Variants in LPP observed in about 807,000 individuals in gnomAD.
LPP encodes the protein lipoma-preferred partner.
LPP carries 38 observed loss-of-function variants against 60.4 expected under a neutral mutation model. The observed-to-expected ratio is 0.63, with a 90% CI of 0.49 to 0.83. The LOEUF (loss-of-function observed/expected upper bound fraction) is 0.83, where lower values mean the gene tolerates loss of function less well. LPP is among the 40% of genes least tolerant of loss of function. LPP has a pLI of 0.00. For missense variants in LPP, 902 were observed against 783.6 expected, an observed-to-expected ratio of 1.15 and a Z score of -1.80; for synonymous variants, 328 against 290.8, an observed-to-expected ratio of 1.13 and a Z score of -1.30.
chr3:188,255,815 G>A (rs112746835), intron 2 of LPP, among the ~76,000 whole-genome samples: 3 of 152,186 alleles, frequency 2.0e-5, no homozygotes, highest in African/African-American at 4.8e-5. Context: ...CTTTGAGTTC[G>A]ACCTCTGCTT....
At chr3:188,732,329 G>A (rs1480678039) in intron 8 of LPP, among the ~76,000 whole-genome samples, 2 of 152,164 alleles carry the variant, frequency 1.3e-5, no homozygotes, top group African/African-American at 4.8e-5. Flanking sequence ...GGAGACATAA[G>A]GGATTGTGTT....
At chr3:188,761,138 G>A (rs569527635) in intron 9 of LPP, among the ~76,000 whole-genome samples, 1 of 152,022 alleles carries the variant, frequency 6.6e-6, no homozygotes, top group South Asian at 2.1e-4. Context: ...TTGTTTGTTT[G>A]TTATGTAAAC....
At chr3:188,770,974 C>A (rs2150680627) in intron 9 of LPP, among the ~76,000 whole-genome samples, 1 of 152,304 alleles carries the variant, frequency 6.6e-6, no homozygotes, top group South Asian at 2.1e-4. Context: ...AGGATTGTCC[C>A]ATGCAGGCAA....
chr3:188,766,103 C>T (rs1387906599), intron 9 of LPP, among the ~76,000 whole-genome samples: 12 of 151,866 alleles, frequency 7.9e-5, no homozygotes, highest in African/African-American at 2.9e-4. Flanking sequence ...AACTCCTGAC[C>T]TCAGGTTATC....
At chr3:188,552,372 A>T (rs181497925) in intron 6 of LPP, among the ~76,000 whole-genome samples, 1 of 152,208 alleles carries the variant, frequency 6.6e-6, no homozygotes, top group South Asian at 2.1e-4. Flanking sequence ...AGGATGCCAT[A>T]AGGACCATTA....
chr3:188,678,707 T>A (rs1401071938), intron 7 of LPP, among the ~76,000 whole-genome samples: 1 of 152,166 alleles, frequency 6.6e-6, no homozygotes, highest in East Asian at 1.9e-4. Flanking sequence ...CAATGGCCCA[T>A]TCGCTGTGTT....
chr3:188,872,481 G>A (rs1056732287), intron 10 of LPP, among the ~76,000 whole-genome samples, 162 bp from the exon 11 acceptor site: 13 of 152,140 alleles, frequency 8.5e-5, no homozygotes, highest in African/African-American at 2.9e-4. Context: ...ATTTACCACC[G>A]ATTGATGGAA....
At chr3:188,268,108 C>T (rs1736278347) in intron 2 of LPP, among the ~76,000 whole-genome samples, 1 of 133,532 alleles carries the variant, frequency 7.5e-6, no homozygotes, top group African/African-American at 2.8e-5. Context: ...TATATTTATT[C>T]TGCACCTACC....
intron 6 of LPP, among the ~76,000 whole-genome samples, chr3:188,538,272 C>G (rs182016664): frequency 3.1e-4 from 47 of 152,240 alleles, no homozygotes; most frequent in South Asian, 8.3e-4. Context: ...AGTGAACAAA[C>G]AATCCGTGGA....
chr3:188,244,293 C>T (rs1726090703), intron 2 of LPP, among the ~76,000 whole-genome samples: 1 of 152,210 alleles, frequency 6.6e-6, no homozygotes, highest in Non-Finnish European at 1.5e-5. Context: ...TTCTTTAATG[C>T]TACCTGAGCC....
At chr3:188,787,340 CT>C (rs1458183199) in intron 9 of LPP, among the ~76,000 whole-genome samples, 1 of 151,836 alleles carries the variant, frequency 6.6e-6, no homozygotes, top group Non-Finnish European at 1.5e-5. Context: ...AATAAAATTC[CT>C]ACATTAACTG....
Position 188,659,970 on chromosome 3 carries a change from T to C in LPP, c.1114-48297T>C, listed in dbSNP as rs192845443. ...GTTTTCACTTTATGTGTAACAGGAGTGAGCTTATTCTGAACTACATTGGTT... is the reference window on the plus strand; with the variant it reads ...GTTTTCACTTTATGTGTAACAGGAGCGAGCTTATTCTGAACTACATTGGTT... On this transcript the variant is annotated intron_variant, in intron 7 of 11. Transcript: ENST00000617246. Among the ~76,000 whole-genome samples the C allele has an allele frequency of 4.8e-3, 733 of 152,074 alleles. 13 individuals are homozygous for C. Among genetic ancestry groups the C allele is most frequent in the African/African-American group, 0.016 (683 of 41,472 alleles).
chr3:188,263,556 C>T (rs1350438764), intron 2 of LPP, among the ~76,000 whole-genome samples: 1 of 152,194 alleles, frequency 6.6e-6, no homozygotes, highest in African/African-American at 2.4e-5. Flanking sequence ...CAGGCTGCTC[C>T]AGCACCAAGC....
At chr3:188,675,114 A>G (rs1397913734) in intron 7 of LPP, among the ~76,000 whole-genome samples, 1 of 152,218 alleles carries the variant, frequency 6.6e-6, no homozygotes, top group Non-Finnish European at 1.5e-5. Context: ...ATAATACAAA[A>G]GAAGAGGACC....
chr3:188,485,421 G>A (rs1008333512), intron 5 of LPP, among the ~76,000 whole-genome samples: 1 of 152,154 alleles, frequency 6.6e-6, no homozygotes, highest in Admixed American at 6.5e-5. Context: ...ATAGTTTTAG[G>A]TGTGACTATG....
At chr3:188,595,067 C>T (rs1042462877) in intron 6 of LPP, among the ~76,000 whole-genome samples, 1 of 152,010 alleles carries the variant, frequency 6.6e-6, no homozygotes, top group African/African-American at 2.4e-5. Context: ...ATATGCTGTT[C>T]CAAAGAACCT....
At chr3:188,586,916 A>G (rs1220086841) in intron 6 of LPP, among the ~76,000 whole-genome samples, 1 of 151,702 alleles carries the variant, frequency 6.6e-6, no homozygotes, top group African/African-American at 2.4e-5. Context: ...TTTAGTAGAG[A>G]CGGGGGTTTC....
At chr3:188,691,487 G>A (rs932921597) in intron 7 of LPP, among the ~76,000 whole-genome samples, 2 of 152,192 alleles carry the variant, frequency 1.3e-5, no homozygotes, top group African/African-American at 4.8e-5. Flanking sequence ...ATAATAAAAA[G>A]GTGGATGGTG....
chr3:188,684,936 A>G (rs1303968615), intron 7 of LPP, among the ~76,000 whole-genome samples: 1 of 152,238 alleles, frequency 6.6e-6, no homozygotes, highest in Non-Finnish European at 1.5e-5. Flanking sequence ...ACTACTGGCT[A>G]GTCAGTAATT....
Sources: allele counts gnomAD v4.1 joint callset (sites outside exome capture counted in the v4.1 genomes callset), GRCh38; gene constraint gnomAD v4.1.1; transcripts MANE v1.5; gene names NCBI Gene and HGNC (gene_info 2026-07-23, HGNC 2026-07-21).